SEMA6A: variants seen among roughly 807,000 people sequenced by gnomAD.
SEMA6A encodes semaphorin 6A, also known as semaphorin-6A.
A neutral mutation model predicts 96.8 loss-of-function variants in SEMA6A; 25 were observed. That is an observed-to-expected ratio of 0.26 (90% CI 0.19 to 0.36). SEMA6A has a LOEUF of 0.36. SEMA6A is among the 10% of genes least tolerant of loss of function. The probability of loss-of-function intolerance (pLI) is 1.00; values close to 1 mark genes in which losing one functional copy is unlikely to be tolerated. For synonymous variants in SEMA6A, 612 were observed against 518.0 expected, an observed-to-expected ratio of 1.18 and a Z score of -2.46; for missense variants, 1,363 against 1,323.1, an observed-to-expected ratio of 1.03 and a Z score of -0.47.
intron 10 of SEMA6A, 171 bp downstream of exon 10, chr5:116,486,578 T>C: frequency 1.7e-6 from 1 of 605,900 alleles, no homozygotes. Context: ...TTAATAGTGC[T>C]TATAAACTAC....
chr5:116,480,641 C>T (rs1465832795), intron 11 of SEMA6A, among the ~76,000 whole-genome samples: 4 of 152,102 alleles, frequency 2.6e-5, no homozygotes, highest in African/African-American at 9.7e-5. Flanking sequence ...CTAGAGATTC[C>T]TCATGCATTT....
chr5:116,526,141 T>C (rs577016152), intron 1 of SEMA6A, among the ~76,000 whole-genome samples: 2 of 151,644 alleles, frequency 1.3e-5, no homozygotes, highest in East Asian at 3.9e-4. Context: ...TCCCCCCTTC[T>C]TTTTTATCCT....
At chr5:116,487,196 C>T in intron 9 of SEMA6A, 1 of 472,438 alleles carries the variant, frequency 2.1e-6, no homozygotes, top group Non-Finnish European at 3.8e-6. Context: ...AGTCATAAAT[C>T]CTTCAGGGAA....
chr5:116,500,374 A>G (rs927787033), intron 3 of SEMA6A, among the ~76,000 whole-genome samples: 10 of 152,188 alleles, frequency 6.6e-5, no homozygotes, highest in Admixed American at 1.3e-4. Context: ...GATTCCTCCT[A>G]TAAGACATGG....
intron 1 of SEMA6A, chr5:116,554,653 G>A (rs1760541798): frequency 6.6e-6 from 1 of 152,170 alleles, no homozygotes; most frequent in Non-Finnish European, 1.5e-5. Flanking sequence ...AAGTCCAAAT[G>A]ATCCTTCCTT....
rs577929866 is a variant in SEMA6A, at chr5:116,462,127, C to G, written c.1894+5456G>C. ...AAATTACCTTCTGTGTTGGGAGAAC[C>G]AGGGTGCTTTAAAATCCCAAATCCA... On this transcript the variant is annotated intron_variant, in intron 18 of 18. Coordinates refer to ENST00000343348, the MANE Select transcript of SEMA6A (RefSeq NM_020796.5). Among the ~76,000 whole-genome samples the G allele has an allele frequency of 1.4e-3, 210 of 152,142 alleles. 2 individuals carry two copies. Among genetic ancestry groups the G allele is most frequent in the Middle Eastern group, 6.8e-3 (2 of 294 alleles).
Position 116,517,045 on chromosome 5 carries a change from G to A in SEMA6A, c.-38-12063C>T, listed in dbSNP as rs571075039. On this transcript the variant is annotated intron_variant, in intron 1 of 18. Coordinates refer to ENST00000343348, the MANE Select transcript of SEMA6A (RefSeq NM_020796.5). Reference sequence around the variant, plus strand: ...AGGCCAAGTTCATTTCAGGAGTATAGGTACACAATTTCTTATCTGCAATTA... The same window carrying A: ...AGGCCAAGTTCATTTCAGGAGTATAAGTACACAATTTCTTATCTGCAATTA... Among the ~76,000 whole-genome samples, 23 of 152,192 alleles carry A rather than the reference G, an allele frequency of 1.5e-4. No individual in the cohort carries two copies. The Middle Eastern group carries it at 0.014, about 91-fold the overall frequency.
intron 1 of SEMA6A, among the ~76,000 whole-genome samples, chr5:116,542,608 C>T (rs1760018013): frequency 6.6e-6 from 1 of 152,170 alleles, no homozygotes; most frequent in Non-Finnish European, 1.5e-5. Flanking sequence ...CCAAAAAAGT[C>T]AAATATCACA....
intron 10 of SEMA6A, among the ~76,000 whole-genome samples, chr5:116,484,067 A>G (rs1442751821): frequency 2.4e-4 from 8 of 33,546 alleles, no homozygotes; most frequent in African/African-American, 1.6e-3. Flanking sequence ...CTGTCTGAAG[A>G]AAAAAAAAAA....
At chr5:116,511,593 ACGAAGTGG>A (rs1423914776) in intron 1 of SEMA6A, among the ~76,000 whole-genome samples, 3 of 152,344 alleles carry the variant, frequency 2.0e-5, no homozygotes, top group South Asian at 2.1e-4. Flanking sequence ...GCTTATGTGG[ACGAAGTGG>A]CTGAAAGTCC....
rs1282980739 is a variant in SEMA6A, at chr5:116,574,770, G to A, written c.-624C>T. 1 of 152,416 alleles carries A rather than the reference G, an allele frequency of 6.6e-6. No homozygotes were observed. The highest frequency in any genetic ancestry group is 1.9e-4 in the East Asian group (1 of 5,202). The allele number at this position is 152,416 out of a possible 1,614,324, so 9.4% of individuals were successfully genotyped here. On this transcript the variant is annotated 5_prime_UTR_variant, in exon 1 of 19. Coordinates refer to ENST00000343348, the MANE Select transcript of SEMA6A (RefSeq NM_020796.5). ...GTTCCGAGCGCCTGGGCAGCCGAGT[G>A]CGCGGGGAGCGGAGTTGGCTGCAGC...
intron 18 of SEMA6A, among the ~76,000 whole-genome samples, chr5:116,465,240 A>G (rs1248358370): frequency 1.3e-5 from 2 of 152,230 alleles, no homozygotes; most frequent in East Asian, 1.9e-4. Context: ...GAGTCAGAAA[A>G]GGAACAAGAC....
intron 1 of SEMA6A, chr5:116,536,385 T>A (rs944151521): frequency 1.3e-5 from 2 of 152,084 alleles, no homozygotes; most frequent in African/African-American, 4.8e-5. Context: ...ATATTTACCA[T>A]CAGCTTGGTG....
intron 1 of SEMA6A, among the ~76,000 whole-genome samples, chr5:116,560,168 T>C (rs956238958): frequency 9.2e-5 from 14 of 152,214 alleles, no homozygotes; most frequent in African/African-American, 2.4e-4. Context: ...CACTCCGCAA[T>C]TGAAATGCTT....
intron 1 of SEMA6A, among the ~76,000 whole-genome samples, chr5:116,536,832 G>A (rs1289984232): frequency 8.9e-6 from 1 of 111,760 alleles, no homozygotes; most frequent in Admixed American, 1.2e-4. Flanking sequence ...CTGAATGGTC[G>A]AAAAGCTTTT....
At chr5:116,530,827 C>G (rs572728479) in intron 1 of SEMA6A, among the ~76,000 whole-genome samples, 2 of 152,182 alleles carry the variant, frequency 1.3e-5, no homozygotes, top group South Asian at 2.1e-4. Context: ...CAAAAAAGCT[C>G]TCTCTGCCCA....
intron 6 of SEMA6A, among the ~76,000 whole-genome samples, chr5:116,495,056 A>G (rs964032760): frequency 6.6e-6 from 1 of 152,278 alleles, no homozygotes; most frequent in Non-Finnish European, 1.5e-5. Flanking sequence ...CACTCACCAT[A>G]TAAGTGTGCT....
chr5:116,448,201 C>T (rs1023209307), intron 18 of SEMA6A, among the ~76,000 whole-genome samples: 1 of 128,958 alleles, frequency 7.8e-6, no homozygotes, highest in African/African-American at 3.1e-5. Context: ...AAAAAATTAG[C>T]CAGGCGCGGT....
At chr5:116,519,695 A>ACACG (rs1344351718) in intron 1 of SEMA6A, among the ~76,000 whole-genome samples, 5 of 150,410 alleles carry the variant, frequency 3.3e-5, no homozygotes, top group African/African-American at 9.9e-5. Flanking sequence ...ACACACACGC[A>ACACG]CACACATACA....
Sources: allele counts gnomAD v4.1 joint callset (sites outside exome capture counted in the v4.1 genomes callset), GRCh38; gene constraint gnomAD v4.1.1; transcripts MANE v1.5; gene names NCBI Gene and HGNC (gene_info 2026-07-23, HGNC 2026-07-21).